NFIL3: variants seen among roughly 807,000 people sequenced by gnomAD.
NFIL3 encodes the protein nuclear factor interleukin-3-regulated protein.
In NFIL3, 5 loss-of-function variants were observed where a neutral mutation model predicts 10.0. The ratio of observed to expected loss-of-function variants is 0.50; its 90% CI spans 0.26 to 1.06. The LOEUF is 1.06. NFIL3 is among the 50% of genes least tolerant of loss of function. The pLI is 0.13. For missense variants in NFIL3, 436 were observed against 547.6 expected, an observed-to-expected ratio of 0.80 and a Z score of 2.03; for synonymous variants, 202 against 206.5, an observed-to-expected ratio of 0.98 and a Z score of 0.19.
At chr9:91,458,000 C>A in the NFIL3 span, among the ~76,000 whole-genome samples, 3 of 152,026 alleles carry the variant, frequency 2.0e-5, no homozygotes, top group Middle Eastern at 3.4e-3. Flanking sequence ...ACCTTGTATT[C>A]ATGGGATAAA....
chr9:91,410,660 C>T lies in NFIL3; in HGVS notation c.75G>A (p.Met25Ile). ...SLDASSNVDK[M>I]MVLNSALTEV... is the part of the protein sequence containing the mutation. The stretch of plus-strand genomic sequence containing the variant: ...CCGTTAAAGCAGAATTAAGGACCAT[C>T]ATCTTGTCCACATTGCTACTGGCAT... Residue 25 changes from methionine (M) to isoleucine (I), a missense_variant, in exon 2 of 2, where the codon ATG becomes ATA. By Grantham distance (10) the Met-to-Ile change is conservative. Coordinates refer to ENST00000297689, the MANE Select transcript of NFIL3 (RefSeq NM_005384.3). The surrounding 1 kb of genome is among the most constrained non-coding windows in gnomAD (Gnocchi z 5.7). The T allele has an allele frequency of 6.2e-7, 1 of 1,613,820 alleles. No individual in the cohort carries two copies. Among genetic ancestry groups the T allele is most frequent in the East Asian group, 2.2e-5 (1 of 44,884 alleles).
the NFIL3 span, among the ~76,000 whole-genome samples, chr9:91,433,149 AT>A: frequency 6.6e-6 from 1 of 152,256 alleles, no homozygotes; most frequent in Admixed American, 6.5e-5. Context: ...ACTAAAGCTT[AT>A]GCAAAAATAG....
chr9:91,446,748 G>A, the NFIL3 span, among the ~76,000 whole-genome samples: 1 of 151,956 alleles, frequency 6.6e-6, no homozygotes, highest in Non-Finnish European at 1.5e-5. Flanking sequence ...TACTAAGTAT[G>A]ATGTTTTCTC....
the NFIL3 span, among the ~76,000 whole-genome samples, chr9:91,471,340 CTT>C: frequency 7.0e-6 from 1 of 143,584 alleles, no homozygotes. Flanking sequence ...GCAACCCCTG[CTT>C]TTTTTTTTTG....
At chr9:91,440,872 G>T in the NFIL3 span, among the ~76,000 whole-genome samples, 2 of 152,012 alleles carry the variant, frequency 1.3e-5, no homozygotes, top group African/African-American at 2.4e-5. Context: ...AACAATCTTC[G>T]ATATGATTTT....
the NFIL3 span, among the ~76,000 whole-genome samples, chr9:91,445,643 G>A: frequency 6.6e-6 from 1 of 152,268 alleles, no homozygotes; most frequent in East Asian, 1.9e-4. Flanking sequence ...TGCAGCATTG[G>A]CTTGGGCACT....
At chr9:91,467,348 CTAAT>C in the NFIL3 span, among the ~76,000 whole-genome samples, 1,560 of 152,066 alleles carry the variant, frequency 0.01, 16 homozygotes, top group Non-Finnish European at 0.011. Context: ...CTGGAATACT[CTAAT>C]AGAGCATTTC....
At chr9:91,411,050 A>G (rs1769832028) in intron 1 of NFIL3, 144 bp from the exon 2 acceptor site, 2 of 421,630 alleles carry the variant, frequency 4.7e-6, no homozygotes, top group Non-Finnish European at 8.7e-6. Context: ...ACAAGTTAGC[A>G]TTTTCAAAAA....
chr9:91,446,542 C>A, the NFIL3 span, among the ~76,000 whole-genome samples: 1 of 152,152 alleles, frequency 6.6e-6, no homozygotes, highest in Non-Finnish European at 1.5e-5. Flanking sequence ...ATGGTACAAC[C>A]ATCATCACTA....
intron 1 of NFIL3, among the ~76,000 whole-genome samples, chr9:91,418,668 A>T (rs1564158116): frequency 1.3e-5 from 2 of 152,318 alleles, no homozygotes; most frequent in East Asian, 1.9e-4. Context: ...CTAAAAAGCT[A>T]ATTAATAAAA....
At chr9:91,432,212 G>A in the NFIL3 span, among the ~76,000 whole-genome samples, 1 of 152,186 alleles carries the variant, frequency 6.6e-6, no homozygotes, top group Non-Finnish European at 1.5e-5. Flanking sequence ...GGAACCAGTA[G>A]ATAAATACCT....
intron 1 of NFIL3, among the ~76,000 whole-genome samples, chr9:91,415,777 G>A (rs1027601877): frequency 2.0e-5 from 3 of 152,128 alleles, no homozygotes; most frequent in South Asian, 2.1e-4. Context: ...ACAGGCATGC[G>A]CCACCATGCC....
chr9:91,425,719 C>A (rs1156389061), upstream of NFIL3, among the ~76,000 whole-genome samples: 1 of 152,208 alleles, frequency 6.6e-6, no homozygotes, highest in South Asian at 2.1e-4. Flanking sequence ...CTCAAAGGAT[C>A]CTCCGGCCAC....
At chr9:91,412,479 TTAAATAGACA>T (rs1329663832) in intron 1 of NFIL3, among the ~76,000 whole-genome samples, 3 of 152,272 alleles carry the variant, frequency 2.0e-5, no homozygotes, top group Non-Finnish European at 4.4e-5. Flanking sequence ...ATATTTTTCG[TTAAATAGACA>T]TGGTACAACA....
intron 1 of NFIL3, among the ~76,000 whole-genome samples, chr9:91,413,547 G>A (rs549916659): frequency 1.2e-4 from 19 of 152,210 alleles, no homozygotes; most frequent in Non-Finnish European, 2.1e-4. Context: ...CACCACGCCC[G>A]GCCAACAATA....
chr9:91,463,764 C>T, the NFIL3 span, among the ~76,000 whole-genome samples: 11 of 152,268 alleles, frequency 7.2e-5, no homozygotes, highest in Non-Finnish European at 1.6e-4. Context: ...GTGTTGAAGT[C>T]TGCAGCGATA....
At chr9:91,476,016 G>A in the NFIL3 span, among the ~76,000 whole-genome samples, 1 of 152,182 alleles carries the variant, frequency 6.6e-6, no homozygotes, top group Non-Finnish European at 1.5e-5. Flanking sequence ...TTGGCTAAGT[G>A]AATGAATGAA....
chr9:91,416,169 T>C (rs1431429000), intron 1 of NFIL3, among the ~76,000 whole-genome samples: 1 of 152,054 alleles, frequency 6.6e-6, no homozygotes, highest in Non-Finnish European at 1.5e-5. Flanking sequence ...TTTTTTTTTT[T>C]TTTTTAACAA....
chr9:91,479,596 A>T, the NFIL3 span, among the ~76,000 whole-genome samples: 1 of 152,144 alleles, frequency 6.6e-6, no homozygotes, highest in Non-Finnish European at 1.5e-5. Flanking sequence ...TGGGGGTGGG[A>T]TCCACTGAGC....
Sources: gnomAD v4.1 joint callset for allele counts (sites outside exome capture counted in the v4.1 genomes callset) on GRCh38, gnomAD v4.1.1 for gene constraint, Gnocchi (gnomAD v3.1) non-coding constraint, MANE v1.5 for transcripts, NCBI Gene and HGNC (gene_info 2026-07-23, HGNC 2026-07-21) for gene names.